CHKA: variants seen among roughly 807,000 people sequenced by gnomAD.
CHKA encodes CHETK-alpha.
In CHKA, 34 loss-of-function variants were observed where a neutral mutation model predicts 60.1. That is an observed-to-expected ratio of 0.57 (90% confidence interval 0.43 to 0.75). CHKA has a LOEUF of 0.75. CHKA is among the 30% of genes least tolerant of loss of function. CHKA has a pLI of 0.00. For synonymous variants in CHKA, 217 were observed against 223.1 expected, an observed-to-expected ratio of 0.97 and a Z score of 0.24; for missense variants, 563 against 561.3, an observed-to-expected ratio of 1.00 and a Z score of -0.03.
intron 4 of CHKA, among the ~76,000 whole-genome samples, chr11:68,072,829 C>A (rs529454464): frequency 6.6e-6 from 1 of 151,476 alleles, no homozygotes; most frequent in East Asian, 1.9e-4. Flanking sequence ...CCCATCTCTA[C>A]AAAAAAAAAT....
At chr11:68,116,398 C>T (rs1237838376) in intron 1 of CHKA, among the ~76,000 whole-genome samples, 4 of 151,978 alleles carry the variant, frequency 2.6e-5, no homozygotes, top group African/African-American at 9.7e-5. Context: ...GGTAAAACCC[C>T]GTGGCTACCA....
At chr11:68,081,084 G>A (rs1420173901) in intron 3 of CHKA, among the ~76,000 whole-genome samples, 1 of 152,192 alleles carries the variant, frequency 6.6e-6, no homozygotes. Flanking sequence ...TCACAGCAGC[G>A]GCAGCCAGGG....
At chr11:68,096,468 A>G (rs569690284) in intron 2 of CHKA, among the ~76,000 whole-genome samples, 85 of 152,308 alleles carry the variant, frequency 5.6e-4, no homozygotes, top group Non-Finnish European at 1.1e-3. Context: ...ATATCCTATA[A>G]CTGGATAATT....
At chr11:68,083,796 C>T (rs1171012930) in intron 2 of CHKA, among the ~76,000 whole-genome samples, 2 of 152,190 alleles carry the variant, frequency 1.3e-5, no homozygotes, top group East Asian at 3.9e-4. Context: ...TGGACTTCTG[C>T]AATATCCAGC....
At chr11:68,080,435 C>T (rs969202099) in intron 3 of CHKA, among the ~76,000 whole-genome samples, 1 of 152,068 alleles carries the variant, frequency 6.6e-6, no homozygotes, top group Non-Finnish European at 1.5e-5. Flanking sequence ...GCAACCTCCG[C>T]CTCCCAGGTT....
chr11:68,110,038 G>A (rs1858074651), intron 1 of CHKA, among the ~76,000 whole-genome samples: 1 of 152,152 alleles, frequency 6.6e-6, no homozygotes, highest in African/African-American at 2.4e-5. Context: ...CATATCAATA[G>A]ATGGAGAAAA....
chr11:68,100,937 CTTTTTTTTTTTTTTT>C (rs758101816), intron 1 of CHKA, among the ~76,000 whole-genome samples: 8 of 78,198 alleles, frequency 1.0e-4, no homozygotes, highest in East Asian at 3.5e-4. Flanking sequence ...TAAAGAGGTT[CTTTTTTTTTTTTTTT>C]TTTTTTTTTT....
At chr11:68,087,671 T>C (rs1857223778) in intron 2 of CHKA, among the ~76,000 whole-genome samples, 1 of 152,152 alleles carries the variant, frequency 6.6e-6, no homozygotes, top group African/African-American at 2.4e-5. Context: ...GAAACATGGA[T>C]GACATTCTCT....
At chr11:68,112,016 G>T (rs541315255) in intron 1 of CHKA, among the ~76,000 whole-genome samples, 67 of 116,884 alleles carry the variant, frequency 5.7e-4, no homozygotes, top group African/African-American at 2.2e-3. Context: ...TCACGCCATT[G>T]CATTCCAGCC....
intron 10 of CHKA, among the ~76,000 whole-genome samples, chr11:68,062,551 G>A (rs1054192345): frequency 1.3e-5 from 2 of 152,176 alleles, no homozygotes; most frequent in Non-Finnish European, 2.9e-5. Context: ...CAGAGAGCGT[G>A]AGCCACGTCA....
chr11:68,072,550 T>TAAAAAAAAAAAAAAAAAAAACAAAAA, intron 4 of CHKA, among the ~76,000 whole-genome samples: 1 of 112,748 alleles, frequency 8.9e-6, no homozygotes, highest in Non-Finnish European at 1.8e-5. Flanking sequence ...GACCCTATCT[T>TAAAAAAAAAAAAAAAAAAAACAAAAA]AAAAAAAAAA....
chr11:68,080,748 T>C (rs1036370914), intron 3 of CHKA, among the ~76,000 whole-genome samples: 1 of 152,272 alleles, frequency 6.6e-6, no homozygotes, highest in African/African-American at 2.4e-5. Flanking sequence ...TGTGTGCACA[T>C]GCACCCTTCT....
At chr11:68,079,261 T>C (rs572828334) in intron 3 of CHKA, among the ~76,000 whole-genome samples, 40 of 152,070 alleles carry the variant, frequency 2.6e-4, no homozygotes, top group African/African-American at 8.7e-4. Flanking sequence ...GTTTTGACCA[T>C]TGCACTGTGG....
At chr11:68,067,625 T>G (rs1231508842) in intron 7 of CHKA, among the ~76,000 whole-genome samples, 2 of 152,110 alleles carry the variant, frequency 1.3e-5, no homozygotes, top group East Asian at 3.9e-4. Flanking sequence ...ACGCCCAAAG[T>G]AGCACAACAA....
intron 1 of CHKA, among the ~76,000 whole-genome samples, chr11:68,100,352 G>T (rs1002011297): frequency 1.4e-4 from 22 of 152,256 alleles, no homozygotes; most frequent in African/African-American, 5.3e-4. Flanking sequence ...CACTTTGGGA[G>T]GCTGAGGCGG....
intron 3 of CHKA, 68 bp downstream of exon 3, chr11:68,081,336 T>C (rs997955255): frequency 7.7e-7 from 1 of 1,304,682 alleles, no homozygotes; most frequent in Admixed American, 1.7e-5. Context: ...TGCCAAGCCC[T>C]GGAGTAGCGA....
chr11:68,056,932 C>T (rs1190521935), intron 11 of CHKA, among the ~76,000 whole-genome samples: 1 of 152,064 alleles, frequency 6.6e-6, no homozygotes, highest in Non-Finnish European at 1.5e-5. Flanking sequence ...CCGAGGGGAA[C>T]GTGGGAACTC....
chr11:68,057,133 C>A (rs924919839), intron 11 of CHKA, among the ~76,000 whole-genome samples: 1 of 152,104 alleles, frequency 6.6e-6, no homozygotes, highest in Non-Finnish European at 1.5e-5. Flanking sequence ...TGTTTGTTGG[C>A]GGGGAGAACC....
At chr11:68,112,418 A>G (rs7925022) in intron 1 of CHKA, among the ~76,000 whole-genome samples, 86,897 of 151,834 alleles carry the variant, frequency 0.57, 24,969 homozygotes, top group Middle Eastern at 0.7. Context: ...CGACTACACC[A>G]GACTAATTTT....
Sources: allele counts gnomAD v4.1 joint callset (sites outside exome capture counted in the v4.1 genomes callset), GRCh38; gene constraint gnomAD v4.1.1; transcripts MANE v1.5; gene names NCBI Gene and HGNC (gene_info 2026-07-23, HGNC 2026-07-21).